The following LRBA variants were observed in gnomAD, a reference collection of about 807,000 sequenced individuals.
LRBA encodes LPS responsive beige-like anchor protein, also known as lipopolysaccharide-responsive and beige-like anchor protein.
Under a neutral mutation model 330.0 loss-of-function variants are expected in LRBA, and 176 were observed. The observed-to-expected ratio is 0.53, with a 90% CI of 0.47 to 0.60. The LOEUF (loss-of-function observed/expected upper bound fraction) is 0.60, where lower values mean the gene tolerates loss of function less well. Among genes scored for constraint, LRBA ranks in the 20% least tolerant of loss-of-function variants. The pLI is 0.00. For missense variants in LRBA, 3,259 were observed against 3,444.8 expected (o/e 0.95, Z 1.35); for synonymous variants, 1,230 against 1,193.0 (o/e 1.03, Z -0.64).
At chr4:150,908,522 T>TA (rs1409969878) in intron 10 of LRBA, 55 bp from the exon 11 acceptor site, 1 of 1,524,038 alleles carries the variant, frequency 6.6e-7, no homozygotes, top group African/African-American at 1.4e-5. Flanking sequence ...CCAAAACAAT[T>TA]AAAAATAAGG....
chr4:150,599,115 A>G lies in LRBA; in HGVS notation c.5938T>C (p.Trp1980Arg). ...TCATCTTCCCAGTAGTCAAGGCGCC[A>G]GAACTCAAGAGGACGACTACAATGA... ...NSAVSRPLEF[W>R]RLDYWEDDLR... The change falls in exon 38 of 57, where the codon TGG (tryptophan) becomes CGG (arginine). Residue 1980 changes from tryptophan to arginine, a missense_variant. Trp to Arg is a moderately radical substitution (Grantham distance 101). Coordinates refer to ENST00000651943, the MANE Select transcript of LRBA (RefSeq NM_001364905.1). 1 of 1,614,064 alleles carries G rather than the reference A, an allele frequency of 6.2e-7. No individual in the cohort carries two copies. Among genetic ancestry groups the G allele is most frequent in the Non-Finnish European group, 8.5e-7 (1 of 1,179,944 alleles).
intron 37 of LRBA, among the ~76,000 whole-genome samples, chr4:150,668,266 A>C (rs1483174081): frequency 6.6e-6 from 1 of 152,176 alleles, no homozygotes; most frequent in Non-Finnish European, 1.5e-5. Context: ...AATTTTAAAA[A>C]CTCAAATGAT....
intron 2 of LRBA, among the ~76,000 whole-genome samples, chr4:150,966,057 T>C (rs971311136): frequency 1.3e-5 from 2 of 152,154 alleles, no homozygotes; most frequent in African/African-American, 4.8e-5. Context: ...CCAAATAATA[T>C]GTTAATATCA....
intron 22 of LRBA, among the ~76,000 whole-genome samples, chr4:150,866,584 G>A (rs973011242): frequency 4.6e-5 from 7 of 152,176 alleles, no homozygotes; most frequent in Admixed American, 3.3e-4. Flanking sequence ...ATTGGAATAC[G>A]ATACTTTGGA....
At chr4:150,920,353 A>G (rs1238301386) in intron 5 of LRBA, among the ~76,000 whole-genome samples, 3 of 152,184 alleles carry the variant, frequency 2.0e-5, no homozygotes, top group Non-Finnish European at 4.4e-5. Context: ...ATTCGAGACA[A>G]GCCTGGCCAA....
intron 37 of LRBA, among the ~76,000 whole-genome samples, chr4:150,613,853 C>T (rs1775506099): frequency 6.6e-6 from 1 of 152,174 alleles, no homozygotes; most frequent in African/African-American, 2.4e-5. Context: ...CTAAGATCCT[C>T]TCCAGGCATC....
intron 40 of LRBA, among the ~76,000 whole-genome samples, chr4:150,559,979 A>G (rs1401809055): frequency 1.7e-5 from 2 of 118,780 alleles, no homozygotes; most frequent in Non-Finnish European, 3.3e-5. Flanking sequence ...TTTATATAAA[A>G]TAAGGGACAT....
intron 37 of LRBA, among the ~76,000 whole-genome samples, chr4:150,680,185 C>A (rs1447471258): frequency 1.3e-5 from 2 of 152,196 alleles, no homozygotes; most frequent in African/African-American, 4.8e-5. Flanking sequence ...GAGCCTCACT[C>A]CAGGTGACAG....
At chr4:150,940,239 T>A (rs114943776) in intron 2 of LRBA, among the ~76,000 whole-genome samples, 1 of 142,454 alleles carries the variant, frequency 7.0e-6, no homozygotes, top group South Asian at 2.3e-4. Context: ...CCTGGTCTCT[T>A]AAAAAAAAAA....
At chr4:150,618,272 G>C (rs1775964377) in intron 37 of LRBA, among the ~76,000 whole-genome samples, 1 of 152,094 alleles carries the variant, frequency 6.6e-6, no homozygotes. Flanking sequence ...ATATAGCATG[G>C]GGAAAACAAA....
At chr4:150,546,824 G>A (rs1261376331) in intron 40 of LRBA, among the ~76,000 whole-genome samples, 1 of 152,094 alleles carries the variant, frequency 6.6e-6, no homozygotes, top group East Asian at 1.9e-4. Flanking sequence ...AATGTCCCTG[G>A]TCAGCTCTCT....
intron 37 of LRBA, among the ~76,000 whole-genome samples, chr4:150,658,617 C>G (rs1156281571): frequency 5.0e-4 from 2 of 3,976 alleles, no homozygotes; most frequent in African/African-American, 2.5e-3. Context: ...CTCTCCCTCT[C>G]CCTCTCCCTC....
At chr4:150,488,356 T>C (rs1420633469) in intron 41 of LRBA, among the ~76,000 whole-genome samples, 1 of 151,678 alleles carries the variant, frequency 6.6e-6, no homozygotes, top group African/African-American at 2.4e-5. Flanking sequence ...CTTTTTACAA[T>C]GTCTATATGT....
At chr4:150,409,678 A>G (rs1375096247) in intron 47 of LRBA, among the ~76,000 whole-genome samples, 1 of 152,128 alleles carries the variant, frequency 6.6e-6, no homozygotes, top group Non-Finnish European at 1.5e-5. Context: ...AAGTAAACCT[A>G]CTGAATGGTT....
chr4:150,891,113 C>A (rs1729414310), intron 17 of LRBA, among the ~76,000 whole-genome samples: 1 of 152,080 alleles, frequency 6.6e-6, no homozygotes, highest in Non-Finnish European at 1.5e-5. Flanking sequence ...GAAATGTGTA[C>A]AAAGAAACAA....
intron 40 of LRBA, among the ~76,000 whole-genome samples, chr4:150,560,884 G>C (rs1768235059): frequency 6.6e-6 from 1 of 152,066 alleles, no homozygotes; most frequent in Non-Finnish European, 1.5e-5. Context: ...CACTCGGCAG[G>C]CTGAGGCAGG....
At chr4:150,280,420 T>G (rs1328933598) in intron 55 of LRBA, among the ~76,000 whole-genome samples, 1 of 152,154 alleles carries the variant, frequency 6.6e-6, no homozygotes, top group Non-Finnish European at 1.5e-5. Context: ...GGAAAACAAA[T>G]GCATTCCCCT....
chr4:150,418,922 C>G (rs1748170765), intron 46 of LRBA, among the ~76,000 whole-genome samples: 1 of 151,888 alleles, frequency 6.6e-6, no homozygotes, highest in East Asian at 1.9e-4. Flanking sequence ...AAATTTTTTC[C>G]AAGAGTAGGG....
At position 150,806,281 on chromosome 4, in the gene LRBA, T is replaced by C; in HGVS notation, c.5508A>G (p.Ile1836Met). 6.3e-7 allele frequency: 1 copy of C among 1,582,810 alleles called. No individual in the cohort carries two copies. Among genetic ancestry groups the C allele is most frequent in the Non-Finnish European group, 8.6e-7 (1 of 1,167,106 alleles). The change falls in exon 33 of 57, where the codon ATA becomes ATG. Residue 1836 changes from isoleucine (I) to methionine (M), a missense_variant. Transcript: ENST00000651943. ...LLGSHGQELL[I>M]EGTSLVCMKS... ...AGAAAAACCACTTACTTGTTCCTTC[T>C]ATAAGCAGTTCTTGTCCATGGCTAC...
Sources: gnomAD v4.1 joint callset for allele counts (sites outside exome capture counted in the v4.1 genomes callset) on GRCh38, gnomAD v4.1.1 for gene constraint, MANE v1.5 for transcripts, NCBI Gene and HGNC (gene_info 2026-07-23, HGNC 2026-07-21) for gene names.